SHROOM3: variants seen among roughly 807,000 people sequenced by gnomAD.
SHROOM3 encodes shroom family member 3.
SHROOM3 carries 47 observed loss-of-function variants against 138.6 expected under a neutral mutation model. The observed-to-expected ratio is 0.34, with a 90% CI of 0.27 to 0.43. SHROOM3 has a LOEUF of 0.43. Among genes scored for constraint, SHROOM3 ranks in the 20% least tolerant of loss-of-function variants. The pLI is 1.00. For missense variants in SHROOM3, 2,491 were observed against 2,596.5 expected (o/e 0.96, Z 0.88); for synonymous variants, 1,062 against 1,063.3 (o/e 1.00, Z 0.02).
intron 1 of SHROOM3, among the ~76,000 whole-genome samples, chr4:76,534,923 C>T (rs1425019557): frequency 2.6e-5 from 4 of 152,064 alleles, no homozygotes; most frequent in Non-Finnish European, 4.4e-5. Context: ...AAGATTTACT[C>T]CCCAGATCCA....
chr4:76,491,327 C>A (rs191208666), intron 1 of SHROOM3, among the ~76,000 whole-genome samples: 1 of 152,148 alleles, frequency 6.6e-6, no homozygotes, highest in Non-Finnish European at 1.5e-5. Flanking sequence ...GACTTCTTGG[C>A]CTGTGTTGGT....
chr4:76,445,032 G>T (rs1730776584), intron 1 of SHROOM3, among the ~76,000 whole-genome samples: 1 of 151,104 alleles, frequency 6.6e-6, no homozygotes, highest in South Asian at 2.1e-4. Context: ...AGGAGGTGGA[G>T]ATTACAGTGA....
chr4:76,688,117 C>G (rs571697997), intron 2 of SHROOM3, among the ~76,000 whole-genome samples: 1 of 152,380 alleles, frequency 6.6e-6, no homozygotes, highest in South Asian at 2.1e-4. Flanking sequence ...ACAGAACAAA[C>G]CATATTAACC....
At position 76,740,537 on chromosome 4, in the gene SHROOM3, C is replaced by G. The variant is rs777984253; in HGVS notation, c.2364C>G (p.Phe788Leu). Residue 788 changes from phenylalanine (F) to leucine (L), a missense_variant, in exon 5 of 11, where the codon TTC becomes TTG. Transcript: ENST00000296043. The surrounding 1 kb of genome is among the most constrained non-coding windows in gnomAD (Gnocchi z 4.0). ...HCSVLEKVSKFEQREQGSQRP... is the reference protein window; with the variant it reads ...HCSVLEKVSKLEQREQGSQRP... ...CGGTGCTGGAGAAGGTCTCCAAATT[C>G]GAGCAGCGAGAGCAAGGGAGCCAGA... 1 of 1,614,066 alleles carries G rather than the reference C, an allele frequency of 6.2e-7. No individual in the cohort carries two copies. Among genetic ancestry groups the G allele is most frequent in the Non-Finnish European group, 8.5e-7 (1 of 1,180,008 alleles).
chr4:76,642,169 C>T (rs1014360416), intron 2 of SHROOM3, among the ~76,000 whole-genome samples: 1 of 152,090 alleles, frequency 6.6e-6, no homozygotes, highest in Non-Finnish European at 1.5e-5. Flanking sequence ...TACAAAGTAA[C>T]AAAGCAATTA....
At chr4:76,586,957 A>C (rs565635970) in intron 2 of SHROOM3, 13 of 152,210 alleles carry the variant, frequency 8.5e-5, no homozygotes, top group Non-Finnish European at 1.6e-4. Context: ...GGTTTGTTCG[A>C]CATGGGTGAA....
At chr4:76,604,757 T>C (rs1394918310) in intron 2 of SHROOM3, among the ~76,000 whole-genome samples, 2 of 152,168 alleles carry the variant, frequency 1.3e-5, no homozygotes, top group Non-Finnish European at 2.9e-5. Flanking sequence ...AACACTAAAA[T>C]AGTAAGTTTT....
intron 3 of SHROOM3, among the ~76,000 whole-genome samples, chr4:76,717,115 T>G (rs1188399680): frequency 3.9e-5 from 6 of 152,218 alleles, no homozygotes. Flanking sequence ...TATGTTGGTG[T>G]TTTTTGTTTG....
chr4:76,547,281 T>A lies in SHROOM3; in HGVS notation c.169-8328T>A, dbSNP rs566580952. Among the ~76,000 whole-genome samples, 5 of 152,362 alleles carry A rather than the reference T, an allele frequency of 3.3e-5. No individual in the cohort carries two copies. In the South Asian group the frequency reaches 1.0e-3, roughly 32 times the overall value. ...AGAATGTGGGCTCTGAGGTTAGTCT[T>A]GAATTCTAATCCCAGCTCTATTGTT... On this transcript the variant is annotated intron_variant, in intron 1 of 10. Coordinates refer to ENST00000296043, the MANE Select transcript of SHROOM3 (RefSeq NM_020859.4).
intron 2 of SHROOM3, among the ~76,000 whole-genome samples, chr4:76,608,673 T>TAGCACAGCACAGCACAGCAC (rs559667555): frequency 2.8e-5 from 3 of 108,040 alleles, no homozygotes; most frequent in African/African-American, 1.0e-4. Context: ...TAGCACAGCA[T>TAGCACAGCACAGCACAGCAC]AGCACAGCAC....
In SHROOM3 at chr4:76,716,726, G is replaced by A. The variant is rs1168284537; in HGVS notation, c.455+6439G>A. The stretch of plus-strand genomic sequence containing the variant: ...CTTTTTATCCCATTCAAATTAACAA[G>A]TGCTTTGTGCTGTGTACCTCACGGT... On this transcript the variant is annotated intron_variant, in intron 3 of 10. Transcript: ENST00000296043. 4.6e-5 allele frequency among the ~76,000 whole-genome samples: 7 copies of A among 152,170 alleles called. 1 individual carries two copies. Among genetic ancestry groups the A allele is most frequent in the Non-Finnish European group, 8.8e-5 (6 of 68,034 alleles).
chr4:76,670,712 G>C (rs1339554864), intron 2 of SHROOM3, among the ~76,000 whole-genome samples: 1 of 152,152 alleles, frequency 6.6e-6, no homozygotes, highest in Non-Finnish European at 1.5e-5. Flanking sequence ...CTAGCACTTT[G>C]GGAGGCCAAG....
intron 2 of SHROOM3, among the ~76,000 whole-genome samples, chr4:76,560,178 C>A (rs796669623): frequency 3.9e-5 from 6 of 152,046 alleles, no homozygotes; most frequent in African/African-American, 1.2e-4. Context: ...CTGGTAGATA[C>A]GTGTAAAATA....
chr4:76,504,443 G>A (rs1170982509), intron 1 of SHROOM3, among the ~76,000 whole-genome samples: 4 of 152,140 alleles, frequency 2.6e-5, no homozygotes, highest in Admixed American at 6.5e-5. Context: ...ACAGGCGTGC[G>A]CCAAAATGCC....
chr4:76,499,526 G>A (rs774089884), intron 1 of SHROOM3, among the ~76,000 whole-genome samples: 4 of 152,122 alleles, frequency 2.6e-5, no homozygotes, highest in Non-Finnish European at 5.9e-5. Context: ...ATAATTCAGG[G>A]AAACAAACAT....
rs765237474 is a variant in SHROOM3 at position 76,738,785 on chromosome 4, C to G, written c.612C>G (p.Asn204Lys). ...HSSSSTSDLS[N>K]YDHAYLRRSP... ...GCTCCTCTACTAGTGACCTCTCCAACTATGACCATGCTTATCTAAGGCGGA... is the reference window on the plus strand; with the variant it reads ...GCTCCTCTACTAGTGACCTCTCCAAGTATGACCATGCTTATCTAAGGCGGA... Residue 204 changes from asparagine (N) to lysine (K), a missense_variant, in exon 5 of 11, where the codon AAC (asparagine) becomes AAG (lysine). Asn to Lys is a moderately conservative substitution (Grantham distance 94, BLOSUM62 0). Transcript: ENST00000296043. The G allele has an allele frequency of 6.3e-5, 102 of 1,614,146 alleles. No individual in the cohort carries two copies. The highest frequency in any genetic ancestry group is 8.5e-5 in the Non-Finnish European group (100 of 1,180,052).
intron 2 of SHROOM3, among the ~76,000 whole-genome samples, chr4:76,605,142 G>A (rs1005649400): frequency 7.2e-5 from 11 of 152,176 alleles, no homozygotes; most frequent in East Asian, 1.9e-4. Flanking sequence ...ATGAGTGTAC[G>A]TGTGGAAAGA....
chr4:76,445,625 T>G (rs760429302), intron 1 of SHROOM3, among the ~76,000 whole-genome samples: 1 of 152,104 alleles, frequency 6.6e-6, no homozygotes, highest in African/African-American at 2.4e-5. Context: ...GAGAGTAGTA[T>G]GAGAAATGGA....
At chr4:76,687,385 G>A (rs1045283071) in intron 2 of SHROOM3, among the ~76,000 whole-genome samples, 9 of 152,164 alleles carry the variant, frequency 5.9e-5, no homozygotes, top group Non-Finnish European at 1.2e-4. Flanking sequence ...AGGAACTAAA[G>A]GGCAGTGTGA....
Sources: gnomAD v4.1 joint callset for allele counts (sites outside exome capture counted in the v4.1 genomes callset) on GRCh38, gnomAD v4.1.1 for gene constraint, Gnocchi (gnomAD v3.1) non-coding constraint, MANE v1.5 for transcripts, NCBI Gene and HGNC (gene_info 2026-07-23, HGNC 2026-07-21) for gene names.